Variants in CLCN1 observed in about 807,000 individuals in gnomAD.
The protein encoded by CLCN1 is chloride channel protein 1.
Under a neutral mutation model 114.5 loss-of-function variants are expected in CLCN1, and 100 were observed. That is an observed-to-expected ratio of 0.87 (90% CI 0.74 to 1.03). CLCN1 has a LOEUF of 1.03. CLCN1 is among the 50% of genes least tolerant of loss of function. CLCN1 has a pLI of 0.00. For synonymous variants in CLCN1, 485 were observed against 487.1 expected (o/e 1.00, Z 0.06); for missense variants, 1,188 against 1,250.0 (o/e 0.95, Z 0.75).
At position 143,316,358 on chromosome 7, in the gene CLCN1, A is replaced by T. The variant is rs776644621; in HGVS notation, c.146A>T (p.Asp49Val). The T allele has an allele frequency of 6.2e-7, 1 of 1,605,868 alleles. No individual in the cohort carries two copies. The highest frequency in any genetic ancestry group is 2.2e-5 in the East Asian group (1 of 44,860). ...GGCCTCCAGCACAGGCTCCGGAAGG[A>T]TGCAGGCCCCCGCCACAACGTCCAC... ...NGGLQHRLRKDAGPRHNVHPT... is the reference protein window; with the variant it reads ...NGGLQHRLRKVAGPRHNVHPT... The change falls in exon 1 of 23, where the codon GAT becomes GTT. Residue 49 changes from aspartate (D) to valine (V), a missense_variant. By Grantham distance (152) the Asp-to-Val change is radical. Transcript: ENST00000343257.
chr7:143,349,082 G>T (rs747419862), intron 20 of CLCN1, among the ~76,000 whole-genome samples: 1 of 152,202 alleles, frequency 6.6e-6, no homozygotes, highest in Admixed American at 6.5e-5. Context: ...CACTGAAAAT[G>T]TTGCCGCGTT....
rs1258160317 is a variant in CLCN1 at position 143,346,258 on chromosome 7, C to G, written c.2284+7C>G. 1.3e-6 allele frequency: 2 copies of G among 1,587,502 alleles called. No homozygotes were observed. The highest frequency in any genetic ancestry group is 1.1e-5 in the South Asian group (1 of 90,546). On this transcript the variant is annotated splice_region_variant and intron_variant, in intron 18 of 22. Transcript: ENST00000343257. ...GAAGCACCAGAGCCTGCAGGTGACG[C>G]TCTTCCCTCATGCACCCCAACTCAC...
chr7:143,336,626 G>GAAA (rs1802906583), intron 12 of CLCN1, among the ~76,000 whole-genome samples: 1 of 89,762 alleles, frequency 1.1e-5, no homozygotes. Flanking sequence ...AAAAAAAAAA[G>GAAA]AAGAAGAAGA....
chr7:143,320,314 T>G (rs1802390758), intron 2 of CLCN1, among the ~76,000 whole-genome samples: 1 of 152,186 alleles, frequency 6.6e-6, no homozygotes. Flanking sequence ...CTTCACCTCC[T>G]TCGCACTTTG....
At chr7:143,337,083 G>C (rs1469142789) in intron 12 of CLCN1, among the ~76,000 whole-genome samples, 1 of 152,208 alleles carries the variant, frequency 6.6e-6, no homozygotes, top group Non-Finnish European at 1.5e-5. Context: ...GTAGCTTCCA[G>C]TGGGGTCTGG....
At chr7:143,348,653 C>A (rs967270733) in intron 20 of CLCN1, among the ~76,000 whole-genome samples, 1 of 151,528 alleles carries the variant, frequency 6.6e-6, no homozygotes, top group African/African-American at 2.4e-5. Context: ...TGATATTGAC[C>A]AAAAAAACAG....
chr7:143,340,343 C>T (rs1442333613), intron 14 of CLCN1, among the ~76,000 whole-genome samples: 2 of 152,170 alleles, frequency 1.3e-5, no homozygotes, highest in African/African-American at 2.4e-5. Flanking sequence ...ATCTTCATGA[C>T]TCCCTGGTAC....
Position 143,351,785 on chromosome 7 carries a change from C to G in CLCN1, c.2787C>G (p.Thr929=). The change falls in exon 23 of 23, where the codon ACC becomes ACG. Residue 929 remains threonine, a synonymous_variant. Transcript: ENST00000343257. ...TGDVIAASPE[T]PVPSPSPEPP... is the part of the protein sequence containing the mutation. ...ATGTGATTGCTGCCTCCCCAGAGAC[C>G]CCTGTGCCATCTCCTTCCCCAGAGC... The G allele has an allele frequency of 6.2e-7, 1 of 1,614,132 alleles. No homozygotes were observed. The highest frequency in any genetic ancestry group is 8.5e-7 in the Non-Finnish European group (1 of 1,180,012).
Position 143,342,094 on chromosome 7 carries a change from A to G in CLCN1, c.1748A>G (p.Gln583Arg), listed in dbSNP as rs747895358. The G allele has an allele frequency of 5.2e-5, 84 of 1,614,094 alleles. No individual in the cohort carries two copies. The highest frequency in any genetic ancestry group is 7.1e-5 in the Non-Finnish European group (84 of 1,180,046). The change falls in exon 15 of 23, where the codon CAG (glutamine) becomes CGG (arginine). Residue 583 changes from glutamine (Q) to arginine (R), a missense_variant. Gln to Arg is a conservative substitution (Grantham distance 43). Coordinates refer to ENST00000343257, the MANE Select transcript of CLCN1 (RefSeq NM_000083.3). ...CCCTCTCTCTATGACAGCATCATCC[A>G]GGTCAAGAAGCTACCCTACTTGCCT... ...LQPSLYDSII[Q>R]VKKLPYLPDL...
intron 5 of CLCN1, 132 bp from the exon 6 acceptor site, chr7:143,323,177 G>C: frequency 1.4e-6 from 1 of 693,498 alleles, no homozygotes; most frequent in Middle Eastern, 3.8e-4. Flanking sequence ...CGTGAGGGCA[G>C]GACCTCTGTG....
chr7:143,332,122 C>G (rs960589693), intron 10 of CLCN1, among the ~76,000 whole-genome samples: 2 of 151,886 alleles, frequency 1.3e-5, no homozygotes, highest in African/African-American at 2.4e-5. Flanking sequence ...CACCACCGTG[C>G]CTGGCTAATT....
chr7:143,331,746 T>TTC, intron 10 of CLCN1, 94 bp downstream of exon 10: 3 of 852,884 alleles, frequency 3.5e-6, no homozygotes, highest in Non-Finnish European at 6.1e-6. Flanking sequence ...ATTAAATGCC[T>TTC]CTGGGTGGCT....
At chr7:143,322,608 C>T (rs1350112681) in intron 5 of CLCN1, among the ~76,000 whole-genome samples, 1 of 152,176 alleles carries the variant, frequency 6.6e-6, no homozygotes, top group Non-Finnish European at 1.5e-5. Context: ...CTGCAACCTC[C>T]ACCTCCCAGG....
intron 10 of CLCN1, 31 bp downstream of exon 10, chr7:143,331,683 A>G (rs1276304633): frequency 2.7e-6 from 4 of 1,478,586 alleles, no homozygotes; most frequent in South Asian, 1.1e-5. Context: ...TGCCCTACCC[A>G]TTTACTTTCT....
chr7:143,326,452 A>G (rs1049852128), intron 7 of CLCN1, among the ~76,000 whole-genome samples: 1 of 152,154 alleles, frequency 6.6e-6, no homozygotes, highest in Non-Finnish European at 1.5e-5. Context: ...CCTGTGTTGG[A>G]TCTTGCACAC....
chr7:143,344,704 A>C (rs530327330), intron 16 of CLCN1, among the ~76,000 whole-genome samples: 4 of 151,968 alleles, frequency 2.6e-5, no homozygotes, highest in Non-Finnish European at 5.9e-5. Context: ...ATAATCATAT[A>C]AAAGACCTTC....
At position 143,339,454 on chromosome 7, in the gene CLCN1, CTG is replaced by C. The variant is rs1803018870; in HGVS notation, c.1472-56_1472-55del. On this transcript the variant is annotated intron_variant, in intron 13 of 22. Transcript: ENST00000343257. The surrounding 1 kb of genome is among the most constrained non-coding windows in gnomAD (Gnocchi z 4.1). ...CCCAAGGAGAGATTGGTTCTGAAAA[CTG>C]AGAGCAAGGAACTTGGATCTCGTAA... 1 of 1,469,366 alleles carries C rather than the reference CTG, an allele frequency of 6.8e-7. No individual in the cohort carries two copies. Among genetic ancestry groups the C allele is most frequent in the African/African-American group, 1.4e-5 (1 of 72,008 alleles). 91.0% of individuals were successfully genotyped at this position (1,469,366 alleles called of 1,614,324 possible). A position where few individuals can be genotyped will look rare whatever the true frequency, so the allele number is the denominator to read the frequency against.
chr7:143,319,999 G>T lies in CLCN1; in HGVS notation c.301+124G>T, dbSNP rs1048591071. On this transcript the variant is annotated intron_variant, in intron 2 of 22. Transcript: ENST00000343257. ...CTGCTACAAAAACTCTCCTCTAATT[G>T]TTTTTAAGAGACAGGGTCTCACTCT... 1.4e-5 allele frequency: 14 copies of T among 1,016,748 alleles called. No homozygotes were observed. The African/African-American group carries it at 2.2e-4, about 16-fold the overall frequency. The allele number at this position is 1,016,748 out of a possible 1,614,324, so 63.0% of individuals were successfully genotyped here.
intron 16 of CLCN1, 50 bp from the exon 17 acceptor site, chr7:143,345,471 T>A (rs1803204634): frequency 2.7e-6 from 4 of 1,488,228 alleles, no homozygotes; most frequent in Non-Finnish European, 3.6e-6. Flanking sequence ...AGCGCGGTGG[T>A]GCGAGAGGGC....
Sources: allele counts gnomAD v4.1 joint callset (sites outside exome capture counted in the v4.1 genomes callset), GRCh38; gene constraint gnomAD v4.1.1; non-coding constraint Gnocchi (gnomAD v3.1); transcripts MANE v1.5; gene names NCBI Gene and HGNC (gene_info 2026-07-23, HGNC 2026-07-21).